MTOR: variants seen among roughly 807,000 people sequenced by gnomAD.
MTOR encodes the protein mechanistic target of rapamycin kinase.
In MTOR, 70 loss-of-function variants were observed where a neutral mutation model predicts 319.8. The ratio of observed to expected loss-of-function variants is 0.22; its 90% CI spans 0.18 to 0.27. MTOR has a LOEUF of 0.27. Ranked by LOEUF, MTOR falls within the 10% of genes least tolerant of loss-of-function variation. The pLI is 1.00. For synonymous variants in MTOR, 1,183 were observed against 1,211.4 expected (o/e 0.98, Z 0.49); for missense variants, 1,890 against 3,274.4 (o/e 0.58, Z 10.32).
In MTOR at chr1:11,220,328, C is replaced by T. The variant is rs569932569; in HGVS notation, c.3031-4094G>A. 7.9e-5 allele frequency among the ~76,000 whole-genome samples: 12 copies of T among 152,124 alleles called. No homozygotes were observed. In the South Asian group the frequency reaches 2.3e-3, roughly 29 times the overall value. ...ACAAAAAGAAGTCAGAAAGTGGGATCGTATCTACAGTTGTAGGAGAACCTA... is the reference window on the plus strand; with the variant it reads ...ACAAAAAGAAGTCAGAAAGTGGGATTGTATCTACAGTTGTAGGAGAACCTA... On this transcript the variant is annotated intron_variant, in intron 19 of 57. Transcript: ENST00000361445.
intron 34 of MTOR, among the ~76,000 whole-genome samples, chr1:11,142,176 G>C (rs538427481): frequency 6.6e-6 from 1 of 151,982 alleles, no homozygotes; most frequent in Admixed American, 6.6e-5. Context: ...GCAAATCTCC[G>C]TTGTGTTTCA....
rs1317999989 is a variant in MTOR, at chr1:11,129,708, C to T, written c.5714+30G>A. 2 of 1,590,386 alleles carry T rather than the reference C, an allele frequency of 1.3e-6. No individual in the cohort carries two copies. Among genetic ancestry groups the T allele is most frequent in the South Asian group, 1.1e-5 (1 of 90,200 alleles). On this transcript the variant is annotated intron_variant, in intron 40 of 57. Coordinates refer to ENST00000361445, the MANE Select transcript of MTOR (RefSeq NM_004958.4). This position sits in a 1 kb window ranked among gnomAD's most constrained non-coding sequence, Gnocchi z 4.7. ...TAGGTCTTGCCATTAACATGGCCTACCAGAGTTGCATCCTTCCCTTCTCTG... is the reference window on the plus strand; with the variant it reads ...TAGGTCTTGCCATTAACATGGCCTATCAGAGTTGCATCCTTCCCTTCTCTG...
intron 36 of MTOR, among the ~76,000 whole-genome samples, chr1:11,138,122 T>C (rs1245442563): frequency 2.0e-5 from 3 of 152,192 alleles, no homozygotes; most frequent in African/African-American, 7.2e-5. Context: ...GCTTGAGATA[T>C]TACCCAAAAG....
At chr1:11,251,416 C>T (rs1649651217) in intron 6 of MTOR, among the ~76,000 whole-genome samples, 1 of 152,168 alleles carries the variant, frequency 6.6e-6, no homozygotes, top group South Asian at 2.1e-4. Context: ...GGTGAGCATA[C>T]TCTATTCCCC....
chr1:11,198,835 G>A (rs1369788169), intron 28 of MTOR, among the ~76,000 whole-genome samples: 3 of 152,220 alleles, frequency 2.0e-5, no homozygotes, highest in Non-Finnish European at 4.4e-5. Context: ...GGAGGAAGAT[G>A]CAGGCATCAA....
In MTOR at chr1:11,243,202, C is replaced by T. The variant is rs763174168; in HGVS notation, c.1324G>A (p.Val442Met). 1.9e-6 allele frequency: 3 copies of T among 1,614,146 alleles called. No homozygotes were observed. ...AAFQALGLLSVAVRSEFKVYL... is the reference protein window; with the variant it reads ...AAFQALGLLSMAVRSEFKVYL... ...ACCTTAAACTCAGACCTCACAGCCA[C>T]AGAAAGTAGCCCCAGGGCTTGGAAG... Residue 442 changes from valine to methionine, a missense_variant, in exon 9 of 58, where the codon GTG becomes ATG. Physicochemically the swap from Val to Met is conservative, Grantham distance 21. Around this residue, in one of 15 missense-constraint regions of MTOR, gnomAD observed 418 missense variants for 543.1 expected, o/e 0.77. Coordinates refer to ENST00000361445, the MANE Select transcript of MTOR (RefSeq NM_004958.4).
intron 8 of MTOR, among the ~76,000 whole-genome samples, chr1:11,246,374 T>G (rs1339421878): frequency 6.6e-6 from 1 of 152,188 alleles, no homozygotes; most frequent in Non-Finnish European, 1.5e-5. Context: ...CCAAGATCAT[T>G]TAAAGCTCTA....
At chr1:11,111,271 G>A in intron 54 of MTOR, 1 of 405,256 alleles carries the variant, frequency 2.5e-6, no homozygotes, top group South Asian at 1.8e-5. Context: ...TTGAGGTCAG[G>A]AGTTCGAAAC....
intron 1 of MTOR, among the ~76,000 whole-genome samples, chr1:11,259,725 C>T (rs1650866498): frequency 6.6e-6 from 1 of 152,062 alleles, no homozygotes; most frequent in African/African-American, 2.4e-5. Flanking sequence ...GGAGGACCAC[C>T]TGAGGTCAGG....
chr1:11,191,349 C>T (rs1020894255), intron 28 of MTOR, among the ~76,000 whole-genome samples: 2 of 152,122 alleles, frequency 1.3e-5, no homozygotes, highest in South Asian at 2.1e-4. Flanking sequence ...ATAGTGATGG[C>T]GAAGGCACAC....
In MTOR at chr1:11,237,856, T is replaced by C; in HGVS notation, c.2195A>G (p.Lys732Arg). The C allele has an allele frequency of 1.2e-6, 2 of 1,613,944 alleles. No homozygotes were observed. The highest frequency in any genetic ancestry group is 1.7e-6 in the Non-Finnish European group (2 of 1,180,032). The change falls in exon 13 of 58, where the codon AAG becomes AGG. Residue 732 changes from lysine (K) to arginine (R), a missense_variant. Lys to Arg is a conservative substitution (Grantham distance 26). Coordinates refer to ENST00000361445, the MANE Select transcript of MTOR (RefSeq NM_004958.4). ...CACCTCGGTTACCTGGATGAGCATC[T>C]TGCGCAGGAAAGGCATGACAAAGGC... ...NPAFVMPFLR[K>R]MLIQILTELE...
chr1:11,157,785 A>T (rs887752927), intron 29 of MTOR, among the ~76,000 whole-genome samples: 2 of 152,204 alleles, frequency 1.3e-5, no homozygotes, highest in East Asian at 3.8e-4. Context: ...TGTTTGCTGG[A>T]GGAAAACAAC....
At chr1:11,175,277 G>A (rs903245813) in intron 28 of MTOR, among the ~76,000 whole-genome samples, 1 of 152,212 alleles carries the variant, frequency 6.6e-6, no homozygotes, top group African/African-American at 2.4e-5. Flanking sequence ...CAGGCGGAAA[G>A]GAGAACATGG....
chr1:11,225,058 AATG>A (rs1314157712), intron 19 of MTOR, among the ~76,000 whole-genome samples: 1 of 152,292 alleles, frequency 6.6e-6, no homozygotes, highest in East Asian at 1.9e-4. Context: ...AGAAACAGAA[AATG>A]ACTGAAAATG....
At chr1:11,185,461 T>C (rs1286783921) in intron 28 of MTOR, among the ~76,000 whole-genome samples, 1 of 149,044 alleles carries the variant, frequency 6.7e-6, no homozygotes, top group Non-Finnish European at 1.5e-5. Flanking sequence ...AAAAAGATAG[T>C]TGGGTGTGGT....
rs138151561 is a variant in MTOR at position 11,121,360 on chromosome 1, C to T, written c.6819G>A (p.Pro2273=). The part of the protein sequence containing the change: ...IEHRIMLRMA[P]DYDHLTLMQK... The stretch of plus-strand genomic sequence containing the variant: ...GCATCAGAGTCAAGTGGTCATAGTC[C>T]GGAGCCATCTGCATCAGGACACAAC... The change falls in exon 49 of 58, where the codon CCG becomes CCA. Residue 2273 remains proline, a synonymous_variant. Transcript: ENST00000361445. This position sits in a 1 kb window ranked among gnomAD's most constrained non-coding sequence, Gnocchi z 4.9. The T allele has an allele frequency of 7.2e-5, 116 of 1,613,920 alleles. No homozygotes were observed. The African/African-American group carries it at 9.6e-4, about 13-fold the overall frequency.
At chr1:11,185,942 C>T (rs1645304981) in intron 28 of MTOR, among the ~76,000 whole-genome samples, 1 of 151,762 alleles carries the variant, frequency 6.6e-6, no homozygotes, top group African/African-American at 2.4e-5. Context: ...ATTAGCTGGG[C>T]ATGGTGGCAG....
chr1:11,128,872 T>C lies in MTOR; in HGVS notation c.5794A>G (p.Ile1932Val). 6.2e-7 allele frequency: 1 copy of C among 1,613,752 alleles called. No homozygotes were observed. Among genetic ancestry groups the C allele is most frequent in the Non-Finnish European group, 8.5e-7 (1 of 1,179,816 alleles). The change falls in exon 41 of 58, where the codon ATT becomes GTT. Residue 1932 changes from isoleucine to valine, a missense_variant. By Grantham distance (29) the Ile-to-Val change is conservative (BLOSUM62 3). Transcript: ENST00000361445. This position sits in a 1 kb window ranked among gnomAD's most constrained non-coding sequence, Gnocchi z 5.3. ...ALVEGVKAIQ[I>V]DTWLQVIPQL... ...ATCCTCACCTGTAGCCAGGTATCAA[T>C]CTGGATGGCTTTCACCCCCTCCACT...
chr1:11,256,892 G>A (rs370396441), intron 4 of MTOR, 41 bp downstream of exon 4: 70 of 1,583,564 alleles, frequency 4.4e-5, no homozygotes, highest in Admixed American at 6.9e-5. Flanking sequence ...TGACACCATC[G>A]TTCCCCAAGC....
Sources: allele counts gnomAD v4.1 joint callset (sites outside exome capture counted in the v4.1 genomes callset), GRCh38; gene constraint gnomAD v4.1.1; regional missense constraint gnomAD v4.1.1; non-coding constraint Gnocchi (gnomAD v3.1); transcripts MANE v1.5; gene names NCBI Gene and HGNC (gene_info 2026-07-23, HGNC 2026-07-21).